Variants in LNPEP observed in about 807,000 individuals in gnomAD.
The protein encoded by LNPEP is leucyl-cystinyl aminopeptidase.
Under a neutral mutation model 120.6 loss-of-function variants are expected in LNPEP, and 64 were observed. The ratio of observed to expected loss-of-function variants is 0.53; its 90% CI spans 0.43 to 0.65. The LOEUF is 0.65. Ranked by LOEUF, LNPEP falls within the 30% of genes least tolerant of loss-of-function variation. The pLI, the probability that LNPEP is intolerant of heterozygous loss-of-function variation, is 0.00. For missense variants in LNPEP, 1,057 were observed against 1,200.0 expected (o/e 0.88, Z 1.76); for synonymous variants, 435 against 425.4 (o/e 1.02, Z -0.28).
rs542548610 is a variant in LNPEP, at chr5:97,022,961, T to C, written c.2561+477T>C. 5.3e-5 allele frequency among the ~76,000 whole-genome samples: 8 copies of C among 152,174 alleles called. No homozygotes were observed. In the South Asian group the frequency reaches 1.7e-3, roughly 32 times the overall value. ...ATTTACTGTCTTAACCATTTTTTAC[T>C]GTACAGTTCAGTAGTGTTAAGCATA... On this transcript the variant is annotated intron_variant, in intron 14 of 17. Coordinates refer to ENST00000231368, the MANE Select transcript of LNPEP (RefSeq NM_005575.3).
chr5:96,989,562 A>G (rs1177306682), intron 4 of LNPEP, among the ~76,000 whole-genome samples: 1 of 151,034 alleles, frequency 6.6e-6, no homozygotes, highest in Non-Finnish European at 1.5e-5. Flanking sequence ...CTCCTATAAG[A>G]TCTTTGAAAG....
chr5:96,994,061 T>C lies in LNPEP; in HGVS notation c.1407+90T>C, dbSNP rs920331362. The C allele has an allele frequency of 1.9e-5, 21 of 1,084,520 alleles. 1 individual carries two copies. The African/African-American group carries it at 2.4e-4, about 12-fold the overall frequency. The allele number at this position is 1,084,520 out of a possible 1,614,324, so 67.2% of individuals were successfully genotyped here. A position where few individuals can be genotyped will look rare whatever the true frequency, so the allele number is the denominator to read the frequency against. ...TAGCATTTAGATGCTAATAATTCTTTTTTTTTTTAAGCATTGCCTTCTTTT... is the reference window on the plus strand; with the variant it reads ...TAGCATTTAGATGCTAATAATTCTTCTTTTTTTTAAGCATTGCCTTCTTTT... On this transcript the variant is annotated intron_variant, in intron 6 of 17. Coordinates refer to ENST00000231368, the MANE Select transcript of LNPEP (RefSeq NM_005575.3).
intron 1 of LNPEP, among the ~76,000 whole-genome samples, chr5:96,961,602 C>T (rs925970405): frequency 2.6e-5 from 4 of 152,004 alleles, no homozygotes; most frequent in Non-Finnish European, 5.9e-5. Context: ...CTGTGCTGTA[C>T]GTTCATCCCT....
intron 1 of LNPEP, among the ~76,000 whole-genome samples, chr5:96,972,023 AT>A (rs778746898): frequency 1.3e-5 from 2 of 151,932 alleles, no homozygotes; most frequent in East Asian, 1.9e-4. Flanking sequence ...ATGTCTAGTA[AT>A]TTTTTATTAC....
chr5:97,006,239 T>C lies in LNPEP; in HGVS notation c.1946+6T>C. 1.3e-6 allele frequency: 2 copies of C among 1,594,692 alleles called. No individual in the cohort carries two copies. The highest frequency in any genetic ancestry group is 1.7e-6 in the Non-Finnish European group (2 of 1,171,606). ...ATTCAGCCTTCAGATACAAGGTACATGCCCTCTTTCTTTTCATGCCATCTC... is the reference window on the plus strand; with the variant it reads ...ATTCAGCCTTCAGATACAAGGTACACGCCCTCTTTCTTTTCATGCCATCTC... On this transcript the variant is annotated splice_donor_region_variant and intron_variant, in intron 10 of 17. Coordinates refer to ENST00000231368, the MANE Select transcript of LNPEP (RefSeq NM_005575.3).
At position 96,998,047 on chromosome 5, in the gene LNPEP, A is replaced by G; in HGVS notation, c.1555A>G (p.Met519Val). ...TTTCTTAGATGCTCGATTTAAAACC[A>G]TGAAGAAAGATTCCTTAAATTCATC... The part of the protein sequence containing the change: ...EDFLDARFKT[M>V]KKDSLNSSHP... Residue 519 changes from methionine to valine, a missense_variant, in exon 8 of 18, where the codon ATG becomes GTG. By Grantham distance (21) the Met-to-Val change is conservative. Coordinates refer to ENST00000231368, the MANE Select transcript of LNPEP (RefSeq NM_005575.3). 6.3e-7 allele frequency: 1 copy of G among 1,581,888 alleles called. No individual in the cohort carries two copies. The highest frequency in any genetic ancestry group is 8.6e-7 in the Non-Finnish European group (1 of 1,156,098).
intron 11 of LNPEP, chr5:97,011,164 CT>C (rs1415210075): frequency 1.0e-6 from 1 of 985,204 alleles, no homozygotes; most frequent in Non-Finnish European, 1.2e-6. Flanking sequence ...TTCTTGTCTC[CT>C]TTTATGGGCA....
intron 1 of LNPEP, among the ~76,000 whole-genome samples, chr5:96,945,157 G>A (rs142062764): frequency 0.014 from 2,073 of 152,142 alleles, 58 homozygotes; most frequent in African/African-American, 0.047. Context: ...AGCACTTTGG[G>A]AGGCCAAGGC....
At chr5:97,024,794 G>T (rs970687424) in intron 15 of LNPEP, 112 bp downstream of exon 15, 18 of 955,416 alleles carry the variant, frequency 1.9e-5, no homozygotes, top group East Asian at 2.6e-5. Flanking sequence ...TCTGTTACAG[G>T]CCAGGCCTAA....
chr5:97,004,608 A>G (rs1284362473), intron 9 of LNPEP, among the ~76,000 whole-genome samples: 3 of 152,164 alleles, frequency 2.0e-5, no homozygotes, highest in African/African-American at 7.2e-5. Flanking sequence ...TGTGCAGAAC[A>G]TCACACACAG....
intron 14 of LNPEP, among the ~76,000 whole-genome samples, chr5:97,024,218 G>A (rs1791284148): frequency 6.6e-6 from 1 of 152,174 alleles, no homozygotes; most frequent in Non-Finnish European, 1.5e-5. Flanking sequence ...ATACTTCGTA[G>A]TAGCCTGTGA....
At chr5:96,981,760 A>G (rs10515253) in intron 2 of LNPEP, among the ~76,000 whole-genome samples, 5,710 of 152,294 alleles carry the variant, frequency 0.037, 185 homozygotes, top group Middle Eastern at 0.11. Context: ...TCTAAGAGAC[A>G]GAGACAGTCA....
chr5:96,950,419 A>C (rs1398618726), intron 1 of LNPEP, among the ~76,000 whole-genome samples: 1 of 152,312 alleles, frequency 6.6e-6, no homozygotes, highest in Middle Eastern at 3.4e-3. Context: ...ATTAAATTCA[A>C]CTTTTAAAAA....
At chr5:96,950,064 G>T (rs1228962374) in intron 1 of LNPEP, among the ~76,000 whole-genome samples, 1 of 152,078 alleles carries the variant, frequency 6.6e-6, no homozygotes, top group East Asian at 1.9e-4. Context: ...CCACTGAAAT[G>T]AATTTATTGA....
chr5:96,993,957 G>A lies in LNPEP; in HGVS notation c.1393G>A (p.Glu465Lys). ...RKLVTKIIAH[E>K]LAHQWFGNLV... The stretch of plus-strand genomic sequence containing the variant: ...GCTGGTGACTAAAATCATTGCTCAT[G>A]AGCTGGCCCACCAGGTATTAGCAAC... The change falls in exon 6 of 18, where the codon GAG (glutamate) becomes AAG (lysine). Residue 465 changes from glutamate to lysine, a missense_variant. Coordinates refer to ENST00000231368, the MANE Select transcript of LNPEP (RefSeq NM_005575.3). 6.2e-7 allele frequency: 1 copy of A among 1,613,764 alleles called. No individual in the cohort carries two copies. The highest frequency in any genetic ancestry group is 1.7e-5 in the Admixed American group (1 of 60,000).
intron 11 of LNPEP, among the ~76,000 whole-genome samples, chr5:97,009,122 C>T (rs1448145679): frequency 1.3e-5 from 2 of 152,140 alleles, no homozygotes; most frequent in East Asian, 1.9e-4. Flanking sequence ...GCCATACTGC[C>T]TCTTTAGGTC....
At chr5:96,943,162 G>T in intron 1 of LNPEP, 1 of 502,016 alleles carries the variant, frequency 2.0e-6, no homozygotes, top group Non-Finnish European at 2.9e-6. Flanking sequence ...CAGGAGTTGA[G>T]GTTGAAGTCA....
rs564392383 is a variant in LNPEP, at chr5:97,024,603, A to G, written c.2644A>G (p.Ile882Val). ...CTGGTCATTCCTTTTGGGCAAATAC[A>G]TTTCTATAGGCTCTGAAGCAGAGAA... ...KGWSFLLGKY[I>V]SIGSEAEKNK... Residue 882 changes from isoleucine to valine, a missense_variant, in exon 15 of 18, where the codon ATT becomes GTT. Physicochemically the swap from Ile to Val is conservative, Grantham distance 29. Coordinates refer to ENST00000231368, the MANE Select transcript of LNPEP (RefSeq NM_005575.3). The G allele has an allele frequency of 3.7e-6, 6 of 1,614,100 alleles. No individual in the cohort carries two copies. In the South Asian group the frequency reaches 6.6e-5, roughly 18 times the overall value.
chr5:97,027,777 C>T lies in LNPEP; in HGVS notation c.2909C>T (p.Ser970Leu). Residue 970 changes from serine (S) to leucine (L), a missense_variant, in exon 17 of 18, where the codon TCA (serine) becomes TTA (leucine). By Grantham distance (145) the Ser-to-Leu change is moderately radical. Coordinates refer to ENST00000231368, the MANE Select transcript of LNPEP (RefSeq NM_005575.3). ...ACCATACAAAATATTGTTGCTGGATCAACTTACCTGTTTTCAACAAAGACA... is the reference window on the plus strand; with the variant it reads ...ACCATACAAAATATTGTTGCTGGATTAACTTACCTGTTTTCAACAAAGACA... ...SYTIQNIVAGSTYLFSTKTHL... is the reference protein window; with the variant it reads ...SYTIQNIVAGLTYLFSTKTHL... 6.2e-7 allele frequency: 1 copy of T among 1,609,958 alleles called. No individual in the cohort carries two copies. The highest frequency in any genetic ancestry group is 8.5e-7 in the Non-Finnish European group (1 of 1,176,200).
Sources: allele counts gnomAD v4.1 joint callset (sites outside exome capture counted in the v4.1 genomes callset), GRCh38; gene constraint gnomAD v4.1.1; transcripts MANE v1.5; gene names NCBI Gene and HGNC (gene_info 2026-07-23, HGNC 2026-07-21).